The following CEP112 variants were observed in gnomAD, a reference collection of about 807,000 sequenced individuals.
CEP112 encodes the protein centrosomal protein of 112 kDa.
CEP112 carries 127 observed loss-of-function variants against 153.0 expected under a neutral mutation model. The observed-to-expected ratio is 0.83, with a 90% confidence interval of 0.72 to 0.96. CEP112 has a LOEUF of 0.96. Among genes scored for constraint, CEP112 ranks in the 40% least tolerant of loss-of-function variants. CEP112 has a pLI of 0.00. For missense variants in CEP112, 1,089 were observed against 1,101.2 expected (o/e 0.99, Z 0.16); for synonymous variants, 358 against 374.4 (o/e 0.96, Z 0.51).
chr17:66,115,255 T>C (rs1261143786), intron 6 of CEP112, among the ~76,000 whole-genome samples: 1 of 152,008 alleles, frequency 6.6e-6, no homozygotes, highest in Non-Finnish European at 1.5e-5. Context: ...GGCAGAGTAA[T>C]GGGCTCTAGC....
At chr17:65,835,988 T>TA (rs2057292739) in intron 21 of CEP112, among the ~76,000 whole-genome samples, 1 of 152,228 alleles carries the variant, frequency 6.6e-6, no homozygotes, top group Admixed American at 6.5e-5. Context: ...GGGATGCTGT[T>TA]AAAGTGCAGT....
chr17:65,980,935 A>C (rs1007721613), intron 17 of CEP112, among the ~76,000 whole-genome samples: 4 of 151,998 alleles, frequency 2.6e-5, no homozygotes, highest in African/African-American at 9.6e-5. Context: ...CGGCCACCAC[A>C]CCCAGATAAT....
At chr17:66,121,832 T>G (rs1357738370) in intron 6 of CEP112, among the ~76,000 whole-genome samples, 1 of 152,100 alleles carries the variant, frequency 6.6e-6, no homozygotes, top group Admixed American at 6.6e-5. Context: ...TTTCATAATT[T>G]AAATCTCTTT....
rs1358946621 is a variant in CEP112 at position 65,775,138 on chromosome 17, A to T, written c.2395-24414T>A. Among the ~76,000 whole-genome samples, 6 of 152,184 alleles carry T rather than the reference A, an allele frequency of 3.9e-5. No individual in the cohort carries two copies. The East Asian group carries it at 1.2e-3, about 29-fold the overall frequency. On this transcript the variant is annotated intron_variant, in intron 21 of 26. Transcript: ENST00000535342. ...TCAGCATTTGACCATCTTTTGGTCAACATAGGGGAGAGGAACCTGAAGCCG... is the reference window on the plus strand; with the variant it reads ...TCAGCATTTGACCATCTTTTGGTCATCATAGGGGAGAGGAACCTGAAGCCG...
chr17:65,811,872 G>T (rs2055979769), intron 21 of CEP112, among the ~76,000 whole-genome samples: 1 of 151,960 alleles, frequency 6.6e-6, no homozygotes, highest in Admixed American at 6.6e-5. Context: ...CTCATTTTTG[G>T]TCTACAACTC....
chr17:66,002,855 C>T (rs1307083797), intron 17 of CEP112, among the ~76,000 whole-genome samples: 1 of 152,118 alleles, frequency 6.6e-6, no homozygotes, highest in Non-Finnish European at 1.5e-5. Context: ...ACACTACATT[C>T]TAAAACTGAG....
At chr17:65,807,096 G>C (rs2055651655) in intron 21 of CEP112, among the ~76,000 whole-genome samples, 1 of 152,196 alleles carries the variant, frequency 6.6e-6, no homozygotes, top group South Asian at 2.1e-4. Context: ...CTCAGATGGA[G>C]ATAAAGAACT....
At chr17:65,845,536 G>T (rs1202832588) in intron 21 of CEP112, among the ~76,000 whole-genome samples, 1 of 152,192 alleles carries the variant, frequency 6.6e-6, no homozygotes, top group Middle Eastern at 3.4e-3. Flanking sequence ...ATATCTGAGT[G>T]GTGGTAGGAA....
chr17:66,045,896 A>AT (rs36067436), intron 12 of CEP112, among the ~76,000 whole-genome samples: 113,500 of 152,028 alleles, frequency 0.75, 45,052 homozygotes, highest in East Asian at 0.91. Context: ...AAAGACATAA[A>AT]TTGCCTATTT....
At chr17:66,056,102 TAACA>T (rs1466890616) in intron 11 of CEP112, among the ~76,000 whole-genome samples, 2 of 152,164 alleles carry the variant, frequency 1.3e-5, no homozygotes, top group African/African-American at 4.8e-5. Context: ...CCATAGGACA[TAACA>T]ATGAGTTGAT....
intron 20 of CEP112, among the ~76,000 whole-genome samples, chr17:65,897,625 A>T (rs1198209557): frequency 6.6e-6 from 1 of 152,136 alleles, no homozygotes; most frequent in Non-Finnish European, 1.5e-5. Context: ...GCTGTGACTT[A>T]AAATATACTT....
chr17:65,783,875 G>A (rs1269332169), intron 21 of CEP112, among the ~76,000 whole-genome samples: 1 of 152,202 alleles, frequency 6.6e-6, no homozygotes, highest in African/African-American at 2.4e-5. Flanking sequence ...ACTGTTGCCA[G>A]GTGGTAAGCA....
At chr17:65,712,388 A>G (rs1202910806) in intron 23 of CEP112, among the ~76,000 whole-genome samples, 1 of 151,488 alleles carries the variant, frequency 6.6e-6, no homozygotes, top group African/African-American at 2.5e-5. Context: ...ATCTCTAAGG[A>G]GACTGAAATA....
chr17:66,109,677 C>T (rs986913166), intron 6 of CEP112, among the ~76,000 whole-genome samples: 1 of 151,936 alleles, frequency 6.6e-6, no homozygotes, highest in Non-Finnish European at 1.5e-5. Flanking sequence ...TGGACAGTCT[C>T]GATGTTGCAA....
chr17:66,037,905 T>C lies in CEP112; in HGVS notation c.1219-7882A>G, dbSNP rs375538534. ...TTATGTATAATATAGATTTTAAGTA[T>C]ATACATAGATATGATTATTATATAT... On this transcript the variant is annotated intron_variant, in intron 12 of 26. Transcript: ENST00000535342. Among the ~76,000 whole-genome samples, 2 of 152,050 alleles carry C rather than the reference T, an allele frequency of 1.3e-5. 1 individual carries two copies. The highest frequency in any genetic ancestry group is 4.2e-4 in the South Asian group (2 of 4,814).
intron 24 of CEP112, among the ~76,000 whole-genome samples, chr17:65,667,108 G>A (rs2046733199): frequency 6.6e-6 from 1 of 152,184 alleles, no homozygotes; most frequent in African/African-American, 2.4e-5. Context: ...GGGCTGTGGT[G>A]CTGGTGGGGC....
intron 20 of CEP112, among the ~76,000 whole-genome samples, chr17:65,888,536 T>G (rs1476069560): frequency 6.6e-6 from 1 of 152,198 alleles, no homozygotes; most frequent in African/African-American, 2.4e-5. Flanking sequence ...CATTTAAGTT[T>G]TAATACTGTT....
chr17:65,874,255 G>T (rs1029326775), intron 20 of CEP112, among the ~76,000 whole-genome samples: 4 of 152,054 alleles, frequency 2.6e-5, no homozygotes, highest in African/African-American at 9.7e-5. Context: ...CATACCTTCT[G>T]ATTTCACTTT....
intron 24 of CEP112, among the ~76,000 whole-genome samples, chr17:65,662,941 C>G (rs1402666542): frequency 6.6e-6 from 1 of 152,166 alleles, no homozygotes; most frequent in Non-Finnish European, 1.5e-5. Flanking sequence ...AAGGATCTTT[C>G]TGTGTAGCTT....
Sources: gnomAD v4.1 joint callset for allele counts (sites outside exome capture counted in the v4.1 genomes callset) on GRCh38, gnomAD v4.1.1 for gene constraint, MANE v1.5 for transcripts, NCBI Gene and HGNC (gene_info 2026-07-23, HGNC 2026-07-21) for gene names.